Variants in OPCML observed in about 807,000 individuals in gnomAD.
OPCML encodes the protein opioid-binding protein/cell adhesion molecule.
Under a neutral mutation model 37.8 loss-of-function variants are expected in OPCML, and 13 were observed. That is an observed-to-expected ratio of 0.34 (90% confidence interval 0.22 to 0.55). The LOEUF is 0.55. OPCML is among the 20% of genes least tolerant of loss of function. The pLI is 0.91. For missense variants in OPCML, 341 were observed against 435.6 expected (o/e 0.78, Z 1.93); for synonymous variants, 176 against 168.8 (o/e 1.04, Z -0.33).
In OPCML at chr11:133,518,529, G is replaced by C. The variant is rs115776288; in HGVS notation, c.61+13735C>G. The stretch of plus-strand genomic sequence containing the variant: ...TGTGGGTGTGTATGCAAGTGTGTGT[G>C]AGTGTGTGCATATAAATTTGCATGC... On this transcript the variant is annotated intron_variant, in intron 1 of 7. Transcript: ENST00000524381. Among the ~76,000 whole-genome samples, 1,416 of 152,164 alleles carry C rather than the reference G, an allele frequency of 9.3e-3. 25 individuals are homozygous for C. The highest frequency in any genetic ancestry group is 0.032 in the African/African-American group (1,341 of 41,516).
intron 1 of OPCML, among the ~76,000 whole-genome samples, chr11:133,462,951 A>G (rs1254572122): frequency 6.6e-6 from 1 of 152,170 alleles, no homozygotes; most frequent in Non-Finnish European, 1.5e-5. Flanking sequence ...CTGATGAATA[A>G]GTGGATAAAC....
At chr11:132,669,976 A>G (rs1382963089) in intron 2 of OPCML, among the ~76,000 whole-genome samples, 1 of 152,052 alleles carries the variant, frequency 6.6e-6, no homozygotes. Context: ...CTTGTTATTT[A>G]TTTGTCATCT....
chr11:132,713,519 A>C (rs1370657010), intron 2 of OPCML, among the ~76,000 whole-genome samples: 1 of 152,350 alleles, frequency 6.6e-6, no homozygotes. Context: ...TAAAAAAAGG[A>C]TCTTATAGAA....
intron 3 of OPCML, among the ~76,000 whole-genome samples, chr11:132,611,738 G>A (rs922137600): frequency 1.1e-4 from 16 of 152,156 alleles, no homozygotes; most frequent in East Asian, 3.8e-4. Flanking sequence ...ATTATGAGAC[G>A]GAAACCAGGG....
chr11:132,666,456 C>T (rs993874350), intron 2 of OPCML, among the ~76,000 whole-genome samples: 1 of 152,102 alleles, frequency 6.6e-6, no homozygotes, highest in Non-Finnish European at 1.5e-5. Flanking sequence ...CCTAAACACC[C>T]CCAACCAAGC....
chr11:133,437,631 C>T (rs1385371885), intron 1 of OPCML, among the ~76,000 whole-genome samples: 1 of 146,790 alleles, frequency 6.8e-6, no homozygotes, highest in African/African-American at 2.6e-5. Flanking sequence ...ACCCCGCTCA[C>T]CTCTCCCCTC....
chr11:133,488,012 G>A (rs4937777), intron 1 of OPCML, among the ~76,000 whole-genome samples: 1 of 151,792 alleles, frequency 6.6e-6, no homozygotes, highest in Non-Finnish European at 1.5e-5. Flanking sequence ...AACAAAAAAG[G>A]ATAAAAATCA....
At chr11:132,467,402 C>G (rs61908173) in intron 4 of OPCML, among the ~76,000 whole-genome samples, 5 of 152,212 alleles carry the variant, frequency 3.3e-5, no homozygotes, top group Non-Finnish European at 7.4e-5. Context: ...CTGAAGTTTT[C>G]TTTTCCTGCA....
chr11:133,221,161 C>T (rs1052152746), intron 1 of OPCML, among the ~76,000 whole-genome samples: 3 of 152,166 alleles, frequency 2.0e-5, no homozygotes, highest in African/African-American at 4.8e-5. Context: ...GGCCATACCC[C>T]GTCAACCACC....
At chr11:132,889,203 T>A (rs1036555859) in intron 2 of OPCML, among the ~76,000 whole-genome samples, 1 of 152,226 alleles carries the variant, frequency 6.6e-6, no homozygotes, top group Admixed American at 6.5e-5. Flanking sequence ...AAGGTAACTC[T>A]AGTTAATTCT....
Position 133,532,215 on chromosome 11 carries a change from G to A in OPCML, c.61+49C>T, listed in dbSNP as rs146800907. The A allele has an allele frequency of 2.2e-4, 357 of 1,600,056 alleles. 3 individuals carry two copies. The East Asian group carries it at 8.1e-3, about 36-fold the overall frequency. On this transcript the variant is annotated intron_variant, in intron 1 of 7. Transcript: ENST00000524381. ...TCCCCACTGCCTCTCCTGCTCTCAC[G>A]TCGTACAATCACCCCAGGGAGAGAA...
At chr11:132,867,960 G>A (rs1010880948) in intron 2 of OPCML, among the ~76,000 whole-genome samples, 1 of 152,194 alleles carries the variant, frequency 6.6e-6, no homozygotes, top group African/African-American at 2.4e-5. Context: ...GCAGAGAAGT[G>A]ACAAAGAAGT....
intron 4 of OPCML, among the ~76,000 whole-genome samples, chr11:132,450,473 T>C (rs769581571): frequency 3.9e-4 from 59 of 152,022 alleles, no homozygotes; most frequent in Non-Finnish European, 6.9e-4. Context: ...TGTCTGCAGA[T>C]TTTTAGGGCT....
Position 133,205,889 on chromosome 11 carries a change from G to T in OPCML, c.62-262879C>A, listed in dbSNP as rs1211552960. Among the ~76,000 whole-genome samples, 1 of 152,104 alleles carries T rather than the reference G, an allele frequency of 6.6e-6. No individual in the cohort carries two copies. On this transcript the variant is annotated intron_variant, in intron 1 of 7. Transcript: ENST00000524381. This position sits in a 1 kb window ranked among gnomAD's most constrained non-coding sequence, Gnocchi z 4.8. ...CTTCCTAAGATGTCAGAGTGCAATG[G>T]CAAAGTGGGGGCCAGGGTTCACAAT...
chr11:132,960,875 T>G (rs2136721342), intron 1 of OPCML, among the ~76,000 whole-genome samples: 1 of 152,272 alleles, frequency 6.6e-6, no homozygotes, highest in Admixed American at 6.5e-5. Context: ...TACTGGAGAC[T>G]GGGTCTGCAG....
chr11:132,701,147 G>A (rs755704172), intron 2 of OPCML, among the ~76,000 whole-genome samples: 10 of 152,188 alleles, frequency 6.6e-5, no homozygotes, highest in Non-Finnish European at 1.2e-4. Flanking sequence ...GCATAGCTGG[G>A]GAAGCCTTAC....
intron 2 of OPCML, among the ~76,000 whole-genome samples, chr11:132,822,434 C>T (rs1233118947): frequency 2.0e-5 from 3 of 152,116 alleles, no homozygotes; most frequent in South Asian, 2.1e-4. Context: ...GTCTCTGAGG[C>T]GGTGAATGGA....
intron 2 of OPCML, among the ~76,000 whole-genome samples, chr11:132,671,369 C>A (rs1325554076): frequency 6.6e-6 from 1 of 152,016 alleles, no homozygotes; most frequent in African/African-American, 2.4e-5. Context: ...ATGAAAAGCC[C>A]AGAGAGATAT....
chr11:133,063,625 G>T (rs1484987998), intron 1 of OPCML, among the ~76,000 whole-genome samples: 1 of 151,096 alleles, frequency 6.6e-6, no homozygotes, highest in Non-Finnish European at 1.5e-5. Context: ...GCAATGGCTT[G>T]ATCTTGGCTC....
Sources: allele counts gnomAD v4.1 joint callset (sites outside exome capture counted in the v4.1 genomes callset), GRCh38; gene constraint gnomAD v4.1.1; non-coding constraint Gnocchi (gnomAD v3.1); transcripts MANE v1.5; gene names NCBI Gene and HGNC (gene_info 2026-07-23, HGNC 2026-07-21).